The following CDH4 variants were observed in gnomAD, a reference collection of about 807,000 sequenced individuals.
CDH4 encodes cadherin 4, also known as cadherin-4.
CDH4 carries 33 observed loss-of-function variants against 86.0 expected under a neutral mutation model. The observed-to-expected ratio is 0.38, with a 90% CI of 0.29 to 0.51. The LOEUF (loss-of-function observed/expected upper bound fraction) is 0.51. Ranked by LOEUF, CDH4 falls within the 20% of genes least tolerant of loss-of-function variation. CDH4 has a pLI of 0.86. For synonymous variants in CDH4, 555 were observed against 549.4 expected (o/e 1.01, Z -0.14); for missense variants, 1,114 against 1,307.4 (o/e 0.85, Z 2.28).
intron 4 of CDH4, among the ~76,000 whole-genome samples, chr20:61,794,099 C>T (rs375569732): frequency 3.1e-4 from 46 of 146,440 alleles, no homozygotes; most frequent in Admixed American, 1.3e-3. Flanking sequence ...GCCAAGATGG[C>T]GCCACTGCAC....
chr20:61,365,370 A>G (rs1600904618), intron 2 of CDH4, among the ~76,000 whole-genome samples: 1 of 152,190 alleles, frequency 6.6e-6, no homozygotes, highest in African/African-American at 2.4e-5. Flanking sequence ...ATTCAAGAAC[A>G]TGGGCGTGGC....
In CDH4 at chr20:61,480,812, GAAGTT is replaced by G. The variant is rs960827807; in HGVS notation, c.169+225879_169+225883del. Among the ~76,000 whole-genome samples, 9 of 152,254 alleles carry G rather than the reference GAAGTT, an allele frequency of 5.9e-5. No homozygotes were observed. The highest frequency in any genetic ancestry group is 5.9e-4 in the Admixed American group (9 of 15,288). On this transcript the variant is annotated intron_variant, in intron 2 of 15. Transcript: ENST00000614565. The surrounding 1 kb of genome is among the most constrained non-coding windows in gnomAD (Gnocchi z 5.2). ...CAGTTTCCACACCTGCTGGTTGTTT[GAAGTT>G]AAGAAGTTCATGCCCCATCTTTGAA...
chr20:61,646,058 A>G (rs2087058074), intron 2 of CDH4, among the ~76,000 whole-genome samples: 2 of 152,078 alleles, frequency 1.3e-5, no homozygotes, highest in African/African-American at 4.8e-5. Flanking sequence ...AGCTCAGGAG[A>G]AATATTCTAA....
chr20:61,580,704 C>A (rs567452013), intron 2 of CDH4, among the ~76,000 whole-genome samples: 2 of 152,156 alleles, frequency 1.3e-5, no homozygotes, highest in African/African-American at 4.8e-5. Flanking sequence ...TTATGGAAGG[C>A]TCTGGCGTCT....
intron 2 of CDH4, among the ~76,000 whole-genome samples, chr20:61,632,366 C>T (rs1202089348): frequency 2.0e-5 from 3 of 152,168 alleles, no homozygotes; most frequent in Non-Finnish European, 2.9e-5. Context: ...AACAATCGAC[C>T]CTGTGCTTTT....
chr20:61,397,965 C>T (rs1226383908), intron 2 of CDH4, among the ~76,000 whole-genome samples: 6 of 152,154 alleles, frequency 3.9e-5, no homozygotes, highest in South Asian at 4.1e-4. Flanking sequence ...CTGACCTGCC[C>T]GATGGAGCAG....
intron 2 of CDH4, among the ~76,000 whole-genome samples, chr20:61,564,672 T>G (rs1568687742): frequency 6.6e-6 from 1 of 152,276 alleles, no homozygotes; most frequent in African/African-American, 2.4e-5. Context: ...CTTTATAAAT[T>G]ACCCAGCCTC....
chr20:61,827,242 G>A (rs1002235510), intron 4 of CDH4, among the ~76,000 whole-genome samples: 3 of 152,166 alleles, frequency 2.0e-5, no homozygotes, highest in African/African-American at 7.2e-5. Context: ...TCAAGTTGGT[G>A]ACATTGCTAC....
chr20:61,803,437 C>G (rs1374777379), intron 4 of CDH4, among the ~76,000 whole-genome samples: 1 of 152,186 alleles, frequency 6.6e-6, no homozygotes, highest in African/African-American at 2.4e-5. Context: ...TTCAACTGTT[C>G]AACTTTATTT....
intron 2 of CDH4, among the ~76,000 whole-genome samples, chr20:61,660,120 C>T (rs2087237035): frequency 6.6e-6 from 1 of 152,188 alleles, no homozygotes; most frequent in Non-Finnish European, 1.5e-5. Context: ...CCACAGGTGG[C>T]TGCGGCCGGC....
rs2088540048 is a variant in CDH4, at chr20:61,754,759, CAG to C, written c.396+10971_396+10972del. On this transcript the variant is annotated intron_variant, in intron 3 of 15. Coordinates refer to ENST00000614565, the MANE Select transcript of CDH4 (RefSeq NM_001794.5). The surrounding 1 kb of genome is among the most constrained non-coding windows in gnomAD (Gnocchi z 4.7). ...GCACACACTATGCACACCACACACA[CAG>C]TGCATGCCACACACACCACACACAC... 6.7e-6 allele frequency among the ~76,000 whole-genome samples: 1 copy of C among 149,002 alleles called. No homozygotes were observed. The highest frequency in any genetic ancestry group is 2.0e-4 in the East Asian group (1 of 5,040).
chr20:61,294,617 T>C (rs2084342036), intron 2 of CDH4, among the ~76,000 whole-genome samples: 1 of 152,220 alleles, frequency 6.6e-6, no homozygotes, highest in Admixed American at 6.5e-5. Context: ...TGCTGGACAC[T>C]GCTCTTTCCC....
At chr20:61,655,377 CACTT>C (rs776407706) in intron 2 of CDH4, among the ~76,000 whole-genome samples, 7 of 152,310 alleles carry the variant, frequency 4.6e-5, no homozygotes, top group South Asian at 2.1e-4. Flanking sequence ...CTGACACACA[CACTT>C]ACACACACAC....
chr20:61,434,163 A>G (rs1339822620), intron 2 of CDH4, among the ~76,000 whole-genome samples: 1 of 152,162 alleles, frequency 6.6e-6, no homozygotes, highest in Non-Finnish European at 1.5e-5. Flanking sequence ...TAACTCGTGG[A>G]ACTAACCCAC....
At chr20:61,477,440 C>T (rs543542959) in intron 2 of CDH4, among the ~76,000 whole-genome samples, 7 of 152,198 alleles carry the variant, frequency 4.6e-5, no homozygotes, top group Admixed American at 6.5e-5. Flanking sequence ...GTACAGGGAG[C>T]AGAGGAACCA....
At chr20:61,749,086 G>C (rs1418351397) in intron 3 of CDH4, among the ~76,000 whole-genome samples, 1 of 152,164 alleles carries the variant, frequency 6.6e-6, no homozygotes, top group Non-Finnish European at 1.5e-5. Flanking sequence ...AGTGGACTCT[G>C]TTAATATCAG....
chr20:61,845,070 C>T (rs1982375599), intron 5 of CDH4, among the ~76,000 whole-genome samples: 1 of 147,730 alleles, frequency 6.8e-6, no homozygotes, highest in Non-Finnish European at 1.5e-5. Context: ...CTCCCCAGGA[C>T]GCAAGTCAGG....
chr20:61,878,035 GT>G (rs1363925016), intron 7 of CDH4, among the ~76,000 whole-genome samples: 1 of 152,044 alleles, frequency 6.6e-6, no homozygotes, highest in Non-Finnish European at 1.5e-5. Context: ...ACAGACGGGC[GT>G]GGTCATCCCA....
chr20:61,785,939 C>G (rs112731214), intron 4 of CDH4, among the ~76,000 whole-genome samples: 2,581 of 152,288 alleles, frequency 0.017, 29 homozygotes, highest in Non-Finnish European at 0.025. Flanking sequence ...GACTGAAAGT[C>G]TCTGGGAAGA....
Sources: gnomAD v4.1 joint callset for allele counts (sites outside exome capture counted in the v4.1 genomes callset) on GRCh38, gnomAD v4.1.1 for gene constraint, Gnocchi (gnomAD v3.1) non-coding constraint, MANE v1.5 for transcripts, NCBI Gene and HGNC (gene_info 2026-07-23, HGNC 2026-07-21) for gene names.